The following ERCC6 variants were observed in gnomAD, a reference collection of about 807,000 sequenced individuals.
The protein encoded by ERCC6 is DNA excision repair protein ERCC-6.
A neutral mutation model predicts 158.7 loss-of-function variants in ERCC6; 116 were observed. The ratio of observed to expected loss-of-function variants is 0.73; its 90% CI spans 0.63 to 0.85. The LOEUF (loss-of-function observed/expected upper bound fraction) is 0.85. Ranked by LOEUF, ERCC6 falls within the 40% of genes least tolerant of loss-of-function variation. ERCC6 has a pLI of 0.00. For synonymous variants in ERCC6, 678 were observed against 659.3 expected, an observed-to-expected ratio of 1.03 and a Z score of -0.43; for missense variants, 1,698 against 1,799.4, an observed-to-expected ratio of 0.94 and a Z score of 1.02.
intron 8 of ERCC6, among the ~76,000 whole-genome samples, chr10:49,486,727 T>C (rs1350245700): frequency 6.6e-6 from 1 of 152,142 alleles, no homozygotes; most frequent in Non-Finnish European, 1.5e-5. Flanking sequence ...TACTGAACAA[T>C]GTGAAAAAGA....
rs1850471069 is a variant in ERCC6 at position 49,455,554 on chromosome 10, G to T, written c.*3261C>A. The T allele has an allele frequency of 6.6e-6, 1 of 152,228 alleles. No individual in the cohort carries two copies. Among genetic ancestry groups the T allele is most frequent in the South Asian group, 2.1e-4 (1 of 4,832 alleles). 9.4% of individuals were successfully genotyped at this position (152,228 alleles called of 1,614,324 possible). On this transcript the variant is annotated 3_prime_UTR_variant, in exon 21 of 21. Coordinates refer to ENST00000355832, the MANE Select transcript of ERCC6 (RefSeq NM_000124.4). ...GTGTGGTTGGTAGAACCAACACCTGGATCCACAGGACAGAAATAGACAACT... is the reference window on the plus strand; with the variant it reads ...GTGTGGTTGGTAGAACCAACACCTGTATCCACAGGACAGAAATAGACAACT...
At position 49,472,899 on chromosome 10, in the gene ERCC6, A is replaced by G. The variant is rs748846798; in HGVS notation, c.2829+10T>C. 1.2e-6 allele frequency: 2 copies of G among 1,611,932 alleles called. No individual in the cohort carries two copies. Among genetic ancestry groups the G allele is most frequent in the South Asian group, 2.2e-5 (2 of 90,716 alleles). On this transcript the variant is annotated intron_variant, in intron 15 of 20. Coordinates refer to ENST00000355832, the MANE Select transcript of ERCC6 (RefSeq NM_000124.4). ...TAATACATTCTTTTAAAAAAAAAAT[A>G]AAAACAAACCTGCGTGTCCGTGCTT...
intron 2 of ERCC6, among the ~76,000 whole-genome samples, chr10:49,531,571 A>G (rs1281509850): frequency 2.0e-5 from 3 of 152,116 alleles, no homozygotes; most frequent in East Asian, 3.9e-4. Flanking sequence ...CTCCTCTGTC[A>G]CCTCTGGAGA....
At chr10:49,539,186 C>T (rs1837680839), upstream of ERCC6, 1 of 152,312 alleles carries the variant, frequency 6.6e-6, no homozygotes, top group South Asian at 2.1e-4. Context: ...GAGGGACGGG[C>T]TCAGCAGCGC....
In ERCC6 at chr10:49,456,435, G is replaced by T. The variant is rs1303214171; in HGVS notation, c.*2380C>A. On this transcript the variant is annotated 3_prime_UTR_variant, in exon 21 of 21. Coordinates refer to ENST00000355832, the MANE Select transcript of ERCC6 (RefSeq NM_000124.4). Reference sequence around the variant, plus strand: ...GAAGTAGTCTTAAGCTGAGCAGCCAGACGTCCAGGTAAAACTCAAAAATTT... The same window carrying T: ...GAAGTAGTCTTAAGCTGAGCAGCCATACGTCCAGGTAAAACTCAAAAATTT... 6.6e-6 allele frequency: 1 copy of T among 152,210 alleles called. No homozygotes were observed. The highest frequency in any genetic ancestry group is 1.5e-5 in the Non-Finnish European group (1 of 68,044). 9.4% of individuals were successfully genotyped at this position (152,210 alleles called of 1,614,324 possible). A position where few individuals can be genotyped will look rare whatever the true frequency, so the allele number is the denominator to read the frequency against.
chr10:49,472,598 G>T, intron 15 of ERCC6, 128 bp from the exon 16 acceptor site: 2 of 938,738 alleles, frequency 2.1e-6, no homozygotes, highest in Non-Finnish European at 3.4e-6. Flanking sequence ...ATGACGTCAA[G>T]TACACCTAAG....
Position 49,458,601 on chromosome 10 carries a change from C to A in ERCC6, c.*214G>T. 1.8e-6 allele frequency: 1 copy of A among 559,492 alleles called. No individual in the cohort carries two copies. Among genetic ancestry groups the A allele is most frequent in the Non-Finnish European group, 3.1e-6 (1 of 320,238 alleles). 34.7% of individuals were successfully genotyped at this position (559,492 alleles called of 1,614,324 possible). On this transcript the variant is annotated 3_prime_UTR_variant, in exon 21 of 21. Transcript: ENST00000355832. Reference sequence around the variant, plus strand: ...GATTGCCAAAAAAAAAAAAATCAATCCAAGTATTTTCTCCTTTAGCTAGCA... The same window carrying A: ...GATTGCCAAAAAAAAAAAAATCAATACAAGTATTTTCTCCTTTAGCTAGCA...
At chr10:49,497,100 T>C (rs1851279697) in intron 7 of ERCC6, among the ~76,000 whole-genome samples, 1 of 152,182 alleles carries the variant, frequency 6.6e-6, no homozygotes, top group South Asian at 2.1e-4. Context: ...AGCCAGAGGC[T>C]ACAAGAGACT....
At chr10:49,448,201 A>G in the ERCC6 span, among the ~76,000 whole-genome samples, 41 of 152,326 alleles carry the variant, frequency 2.7e-4, no homozygotes, top group African/African-American at 9.4e-4. Context: ...AACATTTGTT[A>G]TTGAGTTTTA....
rs139932923 is a variant in ERCC6, at chr10:49,470,812, C to T, written c.3148G>A (p.Val1050Ile). 8 of 1,614,028 alleles carry T rather than the reference C, an allele frequency of 5.0e-6. No individual in the cohort carries two copies. In the African/African-American group the frequency reaches 1.1e-4, roughly 22 times the overall value. Residue 1050 changes from valine (V) to isoleucine (I), a missense_variant, in exon 18 of 21, where the codon GTT (valine) becomes ATT (isoleucine). By Grantham distance (29) the Val-to-Ile change is conservative. Transcript: ENST00000355832. ...IQPAFGADHD[V>I]PKRKKFPASN... is the part of the protein sequence containing the mutation. ...GCAGGGAACTTCTTGCGTTTTGGAA[C>T]ATCATGGTCTGCTCCAAAGGCTGGT...
chr10:49,493,154 G>C lies in ERCC6; in HGVS notation c.1784C>G (p.Ala595Gly). ...FHTWWPPFRVAILHETGSYTH... is the reference protein window; with the variant it reads ...FHTWWPPFRVGILHETGSYTH... ...ATAGGAACCGGTTTCATGTAGAATT[G>C]CCACTCTGAACGGAGGCCACCACGT... The change falls in exon 8 of 21, where the codon GCA becomes GGA. Residue 595 changes from alanine to glycine, a missense_variant. Physicochemically the swap from Ala to Gly is moderately conservative, Grantham distance 60. Transcript: ENST00000355832. The C allele has an allele frequency of 6.2e-7, 1 of 1,614,082 alleles. No individual in the cohort carries two copies. Among genetic ancestry groups the C allele is most frequent in the Non-Finnish European group, 8.5e-7 (1 of 1,179,996 alleles).
At chr10:49,533,673 T>C (rs1837525977) in intron 1 of ERCC6, among the ~76,000 whole-genome samples, 1 of 152,090 alleles carries the variant, frequency 6.6e-6, no homozygotes, top group Admixed American at 6.5e-5. Flanking sequence ...CCTGGTGATG[T>C]GCACCTATAG....
chr10:49,445,377 G>A, the ERCC6 span, among the ~76,000 whole-genome samples: 1 of 152,202 alleles, frequency 6.6e-6, no homozygotes, highest in East Asian at 1.9e-4. Context: ...ATACTGAAAA[G>A]AAAGAGGCAA....
chr10:49,532,897 A>T lies in ERCC6; in HGVS notation c.68T>A (p.Val23Asp). 6.2e-7 allele frequency: 1 copy of T among 1,614,156 alleles called. No homozygotes were observed. The highest frequency in any genetic ancestry group is 8.5e-7 in the Non-Finnish European group (1 of 1,180,026). ...GATTGCCATTTCTTCATTATTACTGACAGGTTGACTCTGTAAACAGTCTTG... is the reference window on the plus strand; with the variant it reads ...GATTGCCATTTCTTCATTATTACTGTCAGGTTGACTCTGTAAACAGTCTTG... ...QEQDCLQSQPVSNNEEMAIKQ... is the reference protein window; with the variant it reads ...QEQDCLQSQPDSNNEEMAIKQ... The change falls in exon 2 of 21, where the codon GTC becomes GAC. Residue 23 changes from valine (V) to aspartate (D), a missense_variant. Physicochemically the swap from Val to Asp is radical, Grantham distance 152. Coordinates refer to ENST00000355832, the MANE Select transcript of ERCC6 (RefSeq NM_000124.4).
intron 18 of ERCC6, among the ~76,000 whole-genome samples, chr10:49,468,967 A>T (rs1850724595): frequency 9.3e-6 from 1 of 107,934 alleles, no homozygotes; most frequent in African/African-American, 3.5e-5. Flanking sequence ...ACCCCTACTA[A>T]TGGATTACAG....
At chr10:49,436,997 C>T in the ERCC6 span, among the ~76,000 whole-genome samples, 1 of 152,126 alleles carries the variant, frequency 6.6e-6, no homozygotes, top group East Asian at 1.9e-4. Context: ...AATTGTAGCT[C>T]CCATAATTCC....
Position 49,530,725 on chromosome 10 carries a change from T to C in ERCC6, c.538A>G (p.Asn180Asp), listed in dbSNP as rs770450629. 3.7e-6 allele frequency: 6 copies of C among 1,613,322 alleles called. No individual in the cohort carries two copies. The highest frequency in any genetic ancestry group is 4.2e-6 in the Non-Finnish European group (5 of 1,179,752). The change falls in exon 3 of 21, where the codon AAT (asparagine) becomes GAT (aspartate). Residue 180 changes from asparagine (N) to aspartate (D), a missense_variant. Transcript: ENST00000355832. ...TGAATGTTATTCTGAATCACCTTAT[T>C]ATACTTCTGTCGTTTTACAGAATCT... Reference protein sequence around the residue: ...KLDSVKRQKYNKEQQLKKITA... With the variant: ...KLDSVKRQKYDKEQQLKKITA...
the ERCC6 span, among the ~76,000 whole-genome samples, chr10:49,441,385 A>G: frequency 6.6e-6 from 1 of 152,264 alleles, no homozygotes; most frequent in African/African-American, 2.4e-5. Context: ...TGCAGCTTCC[A>G]CACTGTGGTC....
chr10:49,501,414 T>C (rs1327089825), intron 6 of ERCC6: 1 of 152,150 alleles, frequency 6.6e-6, no homozygotes, highest in Non-Finnish European at 1.5e-5. Context: ...TCATAGCTAT[T>C]AAGATTTTAA....
Sources: allele counts gnomAD v4.1 joint callset (sites outside exome capture counted in the v4.1 genomes callset), GRCh38; gene constraint gnomAD v4.1.1; transcripts MANE v1.5; gene names NCBI Gene and HGNC (gene_info 2026-07-23, HGNC 2026-07-21).